ARK2C: variants seen among roughly 807,000 people sequenced by gnomAD.
ARK2C encodes the protein E3 ubiquitin-protein ligase ARK2C.
the ARK2C span, chr18:46,460,060 C>T: frequency 4.3e-3 from 663 of 152,876 alleles, 5 homozygotes; most frequent in Middle Eastern, 0.014. Context: ...GGACCCCCTT[C>T]GGCACCCAGT....
chr18:46,382,020 C>T, the ARK2C span, among the ~76,000 whole-genome samples: 294 of 152,226 alleles, frequency 1.9e-3, 1 homozygote, highest in African/African-American at 6.3e-3. Flanking sequence ...ACAGCAGTGC[C>T]GGGAGATGGA....
At chr18:46,450,477 C>T in the ARK2C span, 1 of 1,115,646 alleles carries the variant, frequency 9.0e-7, no homozygotes, top group Non-Finnish European at 1.4e-6. Flanking sequence ...CTCCCCACCT[C>T]TGCTGGTGAG....
the ARK2C span, among the ~76,000 whole-genome samples, chr18:46,413,912 A>G: frequency 1.3e-5 from 2 of 152,102 alleles, no homozygotes; most frequent in African/African-American, 4.8e-5. Context: ...AATCATCTGC[A>G]TGTTTACTTT....
the ARK2C span, among the ~76,000 whole-genome samples, chr18:46,418,783 C>A: frequency 2.6e-5 from 4 of 152,348 alleles, no homozygotes; most frequent in African/African-American, 9.6e-5. Context: ...TATATCCATG[C>A]TCTGGGCTGT....
At chr18:46,422,693 T>C in the ARK2C span, among the ~76,000 whole-genome samples, 1 of 152,268 alleles carries the variant, frequency 6.6e-6, no homozygotes, top group Admixed American at 6.5e-5. Context: ...GGAGGGTAGA[T>C]GTTGCAGGGA....
the ARK2C span, among the ~76,000 whole-genome samples, chr18:46,409,530 A>G: frequency 1.3e-5 from 2 of 152,184 alleles, no homozygotes; most frequent in African/African-American, 4.8e-5. Context: ...GCTGCTGAGT[A>G]TTAGGATTGG....
At chr18:46,336,718 A>G in the ARK2C span, 1 of 985,416 alleles carries the variant, frequency 1.0e-6, no homozygotes, top group Non-Finnish European at 1.2e-6. Context: ...AGCCGAGTAC[A>G]TTGCACTGTA....
the ARK2C span, among the ~76,000 whole-genome samples, chr18:46,356,829 G>T: frequency 6.6e-6 from 1 of 152,148 alleles, no homozygotes. Flanking sequence ...TCTTATTCAG[G>T]CATGGTGCAA....
the ARK2C span, among the ~76,000 whole-genome samples, chr18:46,365,200 G>T: frequency 6.6e-6 from 1 of 152,180 alleles, no homozygotes. Flanking sequence ...AAGGGGAGGG[G>T]GTATGGATGG....
chr18:46,456,120 T>C, the ARK2C span: 6 of 1,241,584 alleles, frequency 4.8e-6, no homozygotes, highest in African/African-American at 1.5e-5. Context: ...CCCTCTCTTA[T>C]AGGTATTGGT....
the ARK2C span, chr18:46,458,725 TG>T: frequency 6.6e-6 from 1 of 152,242 alleles, no homozygotes; most frequent in Non-Finnish European, 1.5e-5. Context: ...ACTAATATCC[TG>T]GTGTTCTATA....
the ARK2C span, among the ~76,000 whole-genome samples, chr18:46,424,457 G>A: frequency 2.0e-5 from 3 of 152,166 alleles, no homozygotes; most frequent in African/African-American, 7.2e-5. Context: ...GAAGGTCAGC[G>A]CTGGTCCTTG....
chr18:46,392,796 G>C, the ARK2C span, among the ~76,000 whole-genome samples: 83 of 152,288 alleles, frequency 5.5e-4, no homozygotes, highest in African/African-American at 1.8e-3. Flanking sequence ...TGAGGAACAC[G>C]CATGCAGTGG....
chr18:46,424,375 A>G, the ARK2C span, among the ~76,000 whole-genome samples: 1 of 152,230 alleles, frequency 6.6e-6, no homozygotes, highest in Non-Finnish European at 1.5e-5. Flanking sequence ...GGATTTGGGC[A>G]GGGAATGGAA....
At chr18:46,393,523 C>T in the ARK2C span, among the ~76,000 whole-genome samples, 4 of 152,262 alleles carry the variant, frequency 2.6e-5, no homozygotes, top group Middle Eastern at 3.4e-3. Flanking sequence ...CCTGTCTGGA[C>T]GCCCCCCGCC....
the ARK2C span, among the ~76,000 whole-genome samples, chr18:46,358,413 C>T: frequency 6.6e-6 from 1 of 152,208 alleles, no homozygotes; most frequent in African/African-American, 2.4e-5. Context: ...GATCTGCGGA[C>T]CTCAGAGCTG....
chr18:46,356,221 C>T, the ARK2C span, among the ~76,000 whole-genome samples: 7 of 152,324 alleles, frequency 4.6e-5, no homozygotes, highest in South Asian at 2.1e-4. Flanking sequence ...CGTGACCAGC[C>T]GACCCTGTTC....
chr18:46,411,166 G>T, the ARK2C span, among the ~76,000 whole-genome samples: 1 of 152,346 alleles, frequency 6.6e-6, no homozygotes, highest in African/African-American at 2.4e-5. Flanking sequence ...AGAGAGCCAG[G>T]GTAGAAAGGA....
chr18:46,401,587 G>C, the ARK2C span, among the ~76,000 whole-genome samples: 1 of 152,180 alleles, frequency 6.6e-6, no homozygotes, highest in Non-Finnish European at 1.5e-5. Flanking sequence ...TCACAGAGCA[G>C]AGCCAAGGAA....
Sources: gnomAD v4.1 joint callset for allele counts (sites outside exome capture counted in the v4.1 genomes callset) on GRCh38, gnomAD v4.1.1 for gene constraint, MANE v1.5 for transcripts, NCBI Gene and HGNC (gene_info 2026-07-23, HGNC 2026-07-21) for gene names.